Variants in CDH4 observed in about 807,000 individuals in gnomAD.
CDH4 encodes cadherin 4, also known as cadherin-4.
In CDH4, 33 loss-of-function variants were observed where a neutral mutation model predicts 86.0. The ratio of observed to expected loss-of-function variants is 0.38; its 90% CI spans 0.29 to 0.51. CDH4 has a LOEUF of 0.51. Among genes scored for constraint, CDH4 ranks in the 20% least tolerant of loss-of-function variants. CDH4 has a pLI of 0.86. For missense variants in CDH4, 1,114 were observed against 1,307.4 expected, an observed-to-expected ratio of 0.85 and a Z score of 2.28; for synonymous variants, 555 against 549.4, an observed-to-expected ratio of 1.01 and a Z score of -0.14.
intron 2 of CDH4, among the ~76,000 whole-genome samples, chr20:61,301,961 T>TC (rs748991672): frequency 6.6e-6 from 1 of 152,250 alleles, no homozygotes; most frequent in Admixed American, 6.5e-5. Flanking sequence ...ACGCCATACT[T>TC]CCGTTGCTGA....
intron 2 of CDH4, among the ~76,000 whole-genome samples, chr20:61,661,585 G>A (rs557117536): frequency 8.0e-5 from 12 of 150,888 alleles, no homozygotes; most frequent in East Asian, 3.9e-4. Flanking sequence ...TCTGCGTCAC[G>A]GGCATGATCT....
chr20:61,481,359 T>G (rs2245193), intron 2 of CDH4, among the ~76,000 whole-genome samples: 2 of 152,036 alleles, frequency 1.3e-5, no homozygotes, highest in East Asian at 1.9e-4. Flanking sequence ...AGCTGGGAAC[T>G]CCTGGTCTGC....
chr20:61,692,125 CTGTG>C lies in CDH4; in HGVS notation c.170-51432_170-51429del, dbSNP rs199593887. 5.2e-3 allele frequency among the ~76,000 whole-genome samples: 734 copies of C among 141,954 alleles called. 5 individuals are homozygous for C. Among genetic ancestry groups the C allele is most frequent in the African/African-American group, 0.021 (695 of 33,408 alleles). 93.1% of individuals were successfully genotyped at this position (141,954 alleles called of 152,430 possible). A position where few individuals can be genotyped will look rare whatever the true frequency, so the allele number is the denominator to read the frequency against. ...TGTCTGTGTGTATGCATGTGTGTGT[CTGTG>C]TGTGTCTGTATGTATGTGTGTATGT... is the stretch of plus-strand genomic sequence containing the variant. On this transcript the variant is annotated intron_variant, in intron 2 of 15. Coordinates refer to ENST00000614565, the MANE Select transcript of CDH4 (RefSeq NM_001794.5).
chr20:61,565,227 GTGGTGGTGGTGGTGGCGGTGCTCTT>G (rs2086269344), intron 2 of CDH4, among the ~76,000 whole-genome samples: 2 of 41,760 alleles, frequency 4.8e-5, no homozygotes, highest in South Asian at 1.1e-3. Context: ...GTGGTAGGTG[GTGGTGGTGGTGGTGGCGGTGCTCTT>G]GGTGATGGTG....
chr20:61,470,773 G>A (rs1325301733), intron 2 of CDH4, among the ~76,000 whole-genome samples: 1 of 152,022 alleles, frequency 6.6e-6, no homozygotes, highest in Non-Finnish European at 1.5e-5. Context: ...TTTATCAATT[G>A]CTTTTTCAGC....
At chr20:61,554,487 G>A (rs2086158989) in intron 2 of CDH4, among the ~76,000 whole-genome samples, 1 of 152,246 alleles carries the variant, frequency 6.6e-6, no homozygotes, top group East Asian at 1.9e-4. Flanking sequence ...ACATCAGAGT[G>A]CAGTGAGTGC....
chr20:61,614,876 G>A (rs1334577467), intron 2 of CDH4, among the ~76,000 whole-genome samples: 1 of 152,016 alleles, frequency 6.6e-6, no homozygotes, highest in African/African-American at 2.4e-5. Context: ...CAGCCTCCCA[G>A]CACCCACTTT....
chr20:61,743,788 A>G lies in CDH4; in HGVS notation c.395A>G (p.Lys132Arg). ...ACCTCGTCCCCGCACTCTGGACACA[A>G]GGTAAGGTGTGACCGCCCGGGTCTG... ...AQTSSPHSGH[K>R]PQKGKKVVAL... Residue 132 changes from lysine to arginine, a missense_variant and splice_region_variant, in exon 3 of 16, where the codon AAG becomes AGG. Physicochemically the swap from Lys to Arg is conservative, Grantham distance 26. Around this residue, in one of 3 missense-constraint regions of CDH4, gnomAD observed 221 missense variants for 209.5 expected, o/e 1.05. Coordinates refer to ENST00000614565, the MANE Select transcript of CDH4 (RefSeq NM_001794.5). 1 of 1,594,218 alleles carries G rather than the reference A, an allele frequency of 6.3e-7. No individual in the cohort carries two copies. Among genetic ancestry groups the G allele is most frequent in the East Asian group, 2.3e-5 (1 of 44,108 alleles).
intron 4 of CDH4, among the ~76,000 whole-genome samples, chr20:61,806,923 G>A (rs1980170747): frequency 6.6e-6 from 1 of 152,204 alleles, no homozygotes; most frequent in African/African-American, 2.4e-5. Context: ...AAGAGCCGCT[G>A]CACTCCAGGT....
intron 2 of CDH4, among the ~76,000 whole-genome samples, chr20:61,594,743 G>A (rs1395771801): frequency 6.6e-6 from 1 of 152,222 alleles, no homozygotes; most frequent in Non-Finnish European, 1.5e-5. Context: ...CGCCGTGTCT[G>A]CAGAGCGCTG....
chr20:61,702,972 C>T (rs765742342), intron 2 of CDH4, among the ~76,000 whole-genome samples: 5 of 152,134 alleles, frequency 3.3e-5, no homozygotes, highest in South Asian at 2.1e-4. Flanking sequence ...TGTGTGCGTG[C>T]GGCCCTGAGG....
chr20:61,462,745 GA>G (rs1010255148), intron 2 of CDH4, among the ~76,000 whole-genome samples: 75 of 152,288 alleles, frequency 4.9e-4, no homozygotes, highest in African/African-American at 1.6e-3. Flanking sequence ...TCCCAGGTCT[GA>G]ATAGATCTCG....
chr20:61,713,630 C>T (rs1304094570), intron 2 of CDH4, among the ~76,000 whole-genome samples: 1 of 152,242 alleles, frequency 6.6e-6, no homozygotes, highest in Non-Finnish European at 1.5e-5. Flanking sequence ...ACAGTCTGTG[C>T]TCCCACGCCA....
At chr20:61,913,799 G>A (rs902555262) in intron 9 of CDH4, among the ~76,000 whole-genome samples, 6 of 152,198 alleles carry the variant, frequency 3.9e-5, no homozygotes, top group African/African-American at 1.4e-4. Context: ...ATGAATTTTG[G>A]AGGCAGAGAG....
chr20:61,534,922 C>A (rs1370045987), intron 2 of CDH4, among the ~76,000 whole-genome samples: 1 of 151,336 alleles, frequency 6.6e-6, no homozygotes, highest in Non-Finnish European at 1.5e-5. Flanking sequence ...TCCTTTGGAG[C>A]AGCCTCTGGT....
intron 4 of CDH4, among the ~76,000 whole-genome samples, chr20:61,839,544 T>C (rs1438032785): frequency 5.9e-5 from 3 of 50,472 alleles, no homozygotes; most frequent in African/African-American, 1.1e-4. Context: ...GTATGTGTAT[T>C]GTGTGTGTTG....
intron 2 of CDH4, among the ~76,000 whole-genome samples, chr20:61,654,872 C>G (rs1035790704): frequency 1.3e-5 from 2 of 152,036 alleles, no homozygotes; most frequent in African/African-American, 2.4e-5. Flanking sequence ...GCCAGCTGCT[C>G]CTCTGAGACG....
At chr20:61,341,566 T>C (rs573652571) in intron 2 of CDH4, among the ~76,000 whole-genome samples, 1 of 151,898 alleles carries the variant, frequency 6.6e-6, no homozygotes, top group South Asian at 2.1e-4. Context: ...AGAAAGGAGT[T>C]TGAGATCATG....
intron 3 of CDH4, among the ~76,000 whole-genome samples, chr20:61,758,672 G>A (rs915202268): frequency 3.3e-5 from 5 of 152,186 alleles, no homozygotes; most frequent in African/African-American, 7.2e-5. Context: ...GTACAGTGAC[G>A]GTCCCCCTGA....
Sources: allele counts gnomAD v4.1 joint callset (sites outside exome capture counted in the v4.1 genomes callset), GRCh38; gene constraint gnomAD v4.1.1; regional missense constraint gnomAD v4.1.1; transcripts MANE v1.5; gene names NCBI Gene and HGNC (gene_info 2026-07-23, HGNC 2026-07-21).